Variants in PRPF39 observed in about 807,000 individuals in gnomAD.
PRPF39 encodes pre-mRNA-processing factor 39.
A neutral mutation model predicts 82.1 loss-of-function variants in PRPF39; 27 were observed. The observed-to-expected ratio is 0.33, with a 90% CI of 0.24 to 0.45. The LOEUF is 0.45. Ranked by LOEUF, PRPF39 falls within the 20% of genes least tolerant of loss-of-function variation. The probability of loss-of-function intolerance (pLI) is 1.00; values close to 1 mark genes in which losing one functional copy is unlikely to be tolerated. For synonymous variants in PRPF39, 261 were observed against 256.4 expected, an observed-to-expected ratio of 1.02 and a Z score of -0.17; for missense variants, 581 against 796.9, an observed-to-expected ratio of 0.73 and a Z score of 3.26.
Position 45,097,059 on chromosome 14 carries a change from A to G in PRPF39, c.569+54A>G, listed in dbSNP as rs965755271. On this transcript the variant is annotated intron_variant, in intron 4 of 13. Transcript: ENST00000355765. ...TTTTATGATATAAATAATTATTCTG[A>G]TGTTGATAATAGAGCTCATGAAAGC... The G allele has an allele frequency of 5.4e-6, 8 of 1,474,412 alleles. No individual in the cohort carries two copies. In the Admixed American group the frequency reaches 2.3e-4, roughly 42 times the overall value. 91.3% of individuals were successfully genotyped at this position (1,474,412 alleles called of 1,614,324 possible). A position where few individuals can be genotyped will look rare whatever the true frequency, so the allele number is the denominator to read the frequency against.
In PRPF39 at chr14:45,116,254, T is replaced by C; in HGVS notation, c.*1341T>C. 6.2e-7 allele frequency: 1 copy of C among 1,612,110 alleles called. No individual in the cohort carries two copies. The highest frequency in any genetic ancestry group is 8.5e-7 in the Non-Finnish European group (1 of 1,178,318). Reference sequence around the variant, plus strand: ...GTGAGTTTTGCATTTGGTGGAATTCTGTTGAAGAAGTCAAGGTACATTTGA... The same window carrying C: ...GTGAGTTTTGCATTTGGTGGAATTCCGTTGAAGAAGTCAAGGTACATTTGA... On this transcript the variant is annotated 3_prime_UTR_variant, in exon 14 of 14. Coordinates refer to ENST00000355765, the MANE Select transcript of PRPF39 (RefSeq NM_017922.4).
In PRPF39 at chr14:45,108,482, A is replaced by G. The variant is rs1356235009; in HGVS notation, c.971A>G (p.Asn324Ser). ...IEIHQEMFNY[N>S]EHEVSKRWTF... ...ATTCATCAAGAAATGTTTAATTATAATGAGCATGAAGTTAGTAAAAGGTGG... is the reference window on the plus strand; with the variant it reads ...ATTCATCAAGAAATGTTTAATTATAGTGAGCATGAAGTTAGTAAAAGGTGG... Residue 324 changes from asparagine (N) to serine (S), a missense_variant, in exon 7 of 14, where the codon AAT becomes AGT. Coordinates refer to ENST00000355765, the MANE Select transcript of PRPF39 (RefSeq NM_017922.4). The G allele has an allele frequency of 6.2e-7, 1 of 1,603,126 alleles. No homozygotes were observed. The highest frequency in any genetic ancestry group is 1.1e-5 in the South Asian group (1 of 88,760).
At chr14:45,095,601 T>A (rs768204951) in intron 2 of PRPF39, 38 bp downstream of exon 2, 7 of 1,500,096 alleles carry the variant, frequency 4.7e-6, no homozygotes, top group Non-Finnish European at 5.3e-6. Flanking sequence ...AGGGACAAAT[T>A]AATCAAGTCA....
chr14:45,107,170 A>G (rs937253633), intron 5 of PRPF39, among the ~76,000 whole-genome samples: 2 of 152,222 alleles, frequency 1.3e-5, no homozygotes, highest in African/African-American at 4.8e-5. Flanking sequence ...TCAGATAACC[A>G]GTAACAGACA....
At chr14:45,091,920 T>G (rs1020044530) in intron 1 of PRPF39, among the ~76,000 whole-genome samples, 6 of 152,226 alleles carry the variant, frequency 3.9e-5, no homozygotes, top group Non-Finnish European at 7.3e-5. Flanking sequence ...GGAATTTATT[T>G]CCTTACACAA....
chr14:45,107,667 G>A, intron 6 of PRPF39, 51 bp downstream of exon 6: 1 of 1,502,352 alleles, frequency 6.7e-7, no homozygotes, highest in Non-Finnish European at 9.0e-7. Flanking sequence ...GGTGGCTTAT[G>A]CCTGTAATCG....
At chr14:45,104,579 T>C (rs1047256825) in intron 5 of PRPF39, among the ~76,000 whole-genome samples, 5 of 152,126 alleles carry the variant, frequency 3.3e-5, no homozygotes, top group Admixed American at 2.0e-4. Flanking sequence ...GTCAGAAGGA[T>C]AGAGGAGGAG....
At chr14:45,096,316 TGG>T in intron 3 of PRPF39, 88 bp downstream of exon 3, 3 of 1,427,148 alleles carry the variant, frequency 2.1e-6, no homozygotes, top group South Asian at 1.4e-5. Flanking sequence ...TTTTTTTTTT[TGG>T]CTGGCAGTAC....
At chr14:45,106,959 T>C (rs1160809237) in intron 5 of PRPF39, among the ~76,000 whole-genome samples, 2 of 152,146 alleles carry the variant, frequency 1.3e-5, no homozygotes, top group African/African-American at 4.8e-5. Flanking sequence ...GAGGAGTATT[T>C]GGGAGGTGGG....
chr14:45,111,099 T>C (rs1399786309), intron 10 of PRPF39: 11 of 356,606 alleles, frequency 3.1e-5, no homozygotes, highest in Non-Finnish European at 5.1e-5. Flanking sequence ...TACTGATTAC[T>C]AAGTAGAACA....
chr14:45,112,320 G>A lies in PRPF39; in HGVS notation c.1575G>A (p.Glu525=). 6.4e-7 allele frequency: 1 copy of A among 1,554,080 alleles called. No homozygotes were observed. Among genetic ancestry groups the A allele is most frequent in the Non-Finnish European group, 8.6e-7 (1 of 1,161,144 alleles). Reference sequence around the variant, plus strand: ...CATTGATGCTGCTTTTTACACAGGAGAACACAAAGTTATACCTCAATTTAC... The same window carrying A: ...CATTGATGCTGCTTTTTACACAGGAAAACACAAAGTTATACCTCAATTTAC... ...VLLEAIERDK[E]NTKLYLNLLE... The change falls in exon 11 of 14, where the codon GAG becomes GAA. Residue 525 remains glutamate (E), a splice_region_variant and synonymous_variant. Transcript: ENST00000355765.
intron 5 of PRPF39, among the ~76,000 whole-genome samples, chr14:45,103,901 GA>G (rs1032752515): frequency 6.6e-6 from 1 of 151,824 alleles, no homozygotes; most frequent in African/African-American, 2.4e-5. Context: ...ACTGATGATG[GA>G]AAAAAAATAT....
chr14:45,114,341 A>G, intron 12 of PRPF39, 84 bp downstream of exon 12: 1 of 1,381,994 alleles, frequency 7.2e-7, no homozygotes, highest in Non-Finnish European at 9.9e-7. Flanking sequence ...TGTTACTTTT[A>G]TGTTGTAATT....
chr14:45,099,451 AT>A (rs982218498), intron 4 of PRPF39, among the ~76,000 whole-genome samples: 35 of 142,400 alleles, frequency 2.5e-4, no homozygotes, highest in Admixed American at 2.8e-4. Context: ...GATTATTATT[AT>A]TTTTTTTTTT....
intron 4 of PRPF39, among the ~76,000 whole-genome samples, chr14:45,097,251 ATATATG>A: frequency 6.6e-6 from 1 of 151,980 alleles, no homozygotes; most frequent in East Asian, 1.9e-4. Flanking sequence ...GTTCTTTCAG[ATATATG>A]TATAAGTACA....
chr14:45,093,226 TA>T (rs1162616202), intron 1 of PRPF39, among the ~76,000 whole-genome samples: 3 of 145,566 alleles, frequency 2.1e-5, no homozygotes, highest in Non-Finnish European at 3.0e-5. Flanking sequence ...ATATATGATT[TA>T]TTTTTTTTTT....
Position 45,096,238 on chromosome 14 carries a change from T to A in PRPF39, c.450+10T>A. ...TAAACCATCAGATGAGGTGCGTACA[T>A]CACTGAATAAACTTATCTCCAATAG... On this transcript the variant is annotated intron_variant, in intron 3 of 13. Transcript: ENST00000355765. The A allele has an allele frequency of 6.3e-7, 1 of 1,575,862 alleles. No homozygotes were observed. Among genetic ancestry groups the A allele is most frequent in the Non-Finnish European group, 8.6e-7 (1 of 1,160,368 alleles).
At chr14:45,107,363 C>A in intron 5 of PRPF39, 88 bp from the exon 6 acceptor site, 9 of 1,001,004 alleles carry the variant, frequency 9.0e-6, no homozygotes, top group Non-Finnish European at 1.3e-5. Context: ...TAAATCAAAT[C>A]CTTTGAAAGA....
intron 4 of PRPF39, among the ~76,000 whole-genome samples, chr14:45,101,547 C>T (rs1884374368): frequency 6.6e-6 from 1 of 152,000 alleles, no homozygotes; most frequent in African/African-American, 2.4e-5. Flanking sequence ...CTCACTGCCA[C>T]TTTCGCCTCC....
Sources: allele counts gnomAD v4.1 joint callset (sites outside exome capture counted in the v4.1 genomes callset), GRCh38; gene constraint gnomAD v4.1.1; transcripts MANE v1.5; gene names NCBI Gene and HGNC (gene_info 2026-07-23, HGNC 2026-07-21).